Variants in FBP1 observed in about 807,000 individuals in gnomAD.
FBP1 encodes fructose-bisphosphatase 1, also known as fructose-1,6-bisphosphatase 1.
FBP1 carries 22 observed loss-of-function variants against 29.9 expected under a neutral mutation model. The observed-to-expected ratio is 0.74, with a 90% CI of 0.53 to 1.05. The LOEUF is 1.05. FBP1 is among the 50% of genes least tolerant of loss of function. The probability of loss-of-function intolerance (pLI) is 0.00; values close to 1 mark genes in which losing one functional copy is unlikely to be tolerated. For missense variants in FBP1, 345 were observed against 448.2 expected (o/e 0.77, Z 2.08); for synonymous variants, 175 against 178.6 (o/e 0.98, Z 0.16).
At chr9:94,622,009 G>A (rs2131491539) in intron 1 of FBP1, among the ~76,000 whole-genome samples, 1 of 152,274 alleles carries the variant, frequency 6.6e-6, no homozygotes, top group East Asian at 1.9e-4. Flanking sequence ...CAGGCAGAGG[G>A]TGGAGGCGAG....
chr9:94,620,552 A>C, intron 1 of FBP1, 61 bp from the exon 2 acceptor site: 1 of 1,526,920 alleles, frequency 6.5e-7, no homozygotes, highest in South Asian at 1.1e-5. Context: ...AGATGAGTCC[A>C]TAAACCCACC....
intron 3 of FBP1, among the ~76,000 whole-genome samples, chr9:94,615,926 C>T (rs1262475043): frequency 1.3e-5 from 2 of 151,460 alleles, no homozygotes; most frequent in African/African-American, 4.9e-5. Flanking sequence ...CTCCCAGGTT[C>T]ATGCCATTCT....
chr9:94,605,781 A>G (rs1442085755), intron 5 of FBP1, among the ~76,000 whole-genome samples: 1 of 152,146 alleles, frequency 6.6e-6, no homozygotes, highest in Non-Finnish European at 1.5e-5. Context: ...ATCATCTCAC[A>G]ATAGGTCAGA....
At chr9:94,611,028 T>A (rs1827776547) in intron 3 of FBP1, among the ~76,000 whole-genome samples, 1 of 152,112 alleles carries the variant, frequency 6.6e-6, no homozygotes, top group African/African-American at 2.4e-5. Context: ...CACACCCAGT[T>A]AATTTTTTGT....
At position 94,603,316 on chromosome 9, in the gene FBP1, G is replaced by T; in HGVS notation, c.*65C>A. On this transcript the variant is annotated 3_prime_UTR_variant, in exon 7 of 7. Coordinates refer to ENST00000375326, the MANE Select transcript of FBP1 (RefSeq NM_000507.4). ...AATGTAAGGTGCACAGCAGGTCAGG[G>T]TACTGCTGTGTGAGACAAAAGGTCC... 7.7e-6 allele frequency: 10 copies of T among 1,294,340 alleles called. No homozygotes were observed. The highest frequency in any genetic ancestry group is 3.7e-5 in the South Asian group (3 of 81,266). The allele number at this position is 1,294,340 out of a possible 1,614,324, so 80.2% of individuals were successfully genotyped here.
At chr9:94,616,814 T>C (rs1212097205) in intron 3 of FBP1, among the ~76,000 whole-genome samples, 1 of 152,200 alleles carries the variant, frequency 6.6e-6, no homozygotes, top group Non-Finnish European at 1.5e-5. Context: ...TGTTTCCTGA[T>C]GGGTGGATGG....
intron 4 of FBP1, among the ~76,000 whole-genome samples, chr9:94,608,765 G>A (rs1827738156): frequency 6.6e-6 from 1 of 152,130 alleles, no homozygotes; most frequent in Non-Finnish European, 1.5e-5. Flanking sequence ...TAGCCTTCCT[G>A]CCACACACAG....
intron 1 of FBP1, 149 bp downstream of exon 1, chr9:94,638,992 A>T (rs1828240554): frequency 8.4e-6 from 7 of 831,738 alleles, no homozygotes. Flanking sequence ...GAGAGGGGCT[A>T]CCAGACAGAG....
intron 1 of FBP1, among the ~76,000 whole-genome samples, chr9:94,638,253 G>T: frequency 6.6e-6 from 1 of 152,190 alleles, no homozygotes. Context: ...AACAGTATCT[G>T]ATGGGCAGCA....
In FBP1 at chr9:94,639,425, G is replaced by T; in HGVS notation, c.-115C>A. On this transcript the variant is annotated 5_prime_UTR_variant, in exon 1 of 7. Coordinates refer to ENST00000375326, the MANE Select transcript of FBP1 (RefSeq NM_000507.4). ...GCCGCAGGTGCGGAGCTGCAGGTGCGGGCGGCAGGTGCGGGCCGCGGGACC... is the reference window on the plus strand; with the variant it reads ...GCCGCAGGTGCGGAGCTGCAGGTGCTGGCGGCAGGTGCGGGCCGCGGGACC... 1.6e-6 allele frequency: 2 copies of T among 1,256,930 alleles called. No individual in the cohort carries two copies. The highest frequency in any genetic ancestry group is 2.3e-6 in the Non-Finnish European group (2 of 885,944). The allele number at this position is 1,256,930 out of a possible 1,614,324, so 77.9% of individuals were successfully genotyped here.
rs192676874 is a variant in FBP1, at chr9:94,630,722, C to T, written c.170+8419G>A. Reference sequence around the variant, plus strand: ...GCTCCCTTGGCATAACACAACCATGCGGAGAAGCAAGAACTCAGCACCAGA... The same window carrying T: ...GCTCCCTTGGCATAACACAACCATGTGGAGAAGCAAGAACTCAGCACCAGA... On this transcript the variant is annotated intron_variant, in intron 1 of 6. Transcript: ENST00000375326. Among the ~76,000 whole-genome samples the T allele has an allele frequency of 9.2e-5, 14 of 152,302 alleles. No individual in the cohort carries two copies. In the East Asian group the frequency reaches 2.5e-3, roughly 27 times the overall value.
At chr9:94,617,739 A>G (rs770647615) in intron 3 of FBP1, 29 bp downstream of exon 3, 1 of 1,469,898 alleles carries the variant, frequency 6.8e-7, no homozygotes, top group South Asian at 1.1e-5. Flanking sequence ...TCTGTCCCCA[A>G]ACCAAGTGCT....
At chr9:94,631,898 G>A (rs1828109021) in intron 1 of FBP1, among the ~76,000 whole-genome samples, 2 of 152,016 alleles carry the variant, frequency 1.3e-5, no homozygotes, top group South Asian at 2.1e-4. Context: ...TGCTTTCAAA[G>A]GTCACAAATA....
intron 4 of FBP1, 123 bp from the exon 5 acceptor site, chr9:94,607,075 T>A: frequency 7.5e-7 from 1 of 1,332,826 alleles, no homozygotes; most frequent in South Asian, 1.2e-5. Context: ...GCACCACTCA[T>A]CTTGGGGCCC....
chr9:94,617,179 C>A (rs1280478427), intron 3 of FBP1, among the ~76,000 whole-genome samples: 1 of 152,154 alleles, frequency 6.6e-6, no homozygotes, highest in Non-Finnish European at 1.5e-5. Context: ...CAGCCAAAGG[C>A]AGTATGTGAA....
rs1244538548 is a variant in FBP1, at chr9:94,605,475, C to G, written c.807G>C (p.Lys269Asn). Residue 269 changes from lysine to asparagine, a missense_variant, in exon 6 of 7, where the codon AAG becomes AAC. By Grantham distance (94) the Lys-to-Asn change is moderately conservative. Coordinates refer to ENST00000375326, the MANE Select transcript of FBP1 (RefSeq NM_000507.4). ...YGGIFLYPAN[K>N]KSPNGKLRLL... ...CCCTTACCTTTCCATTGGGGCTCTT[C>G]TTGTTAGCGGGGTACAGAAATATCC... 5 of 1,613,976 alleles carry G rather than the reference C, an allele frequency of 3.1e-6. No individual in the cohort carries two copies. In the South Asian group the frequency reaches 4.4e-5, roughly 14 times the overall value.
rs28369715 is a variant in FBP1, at chr9:94,612,434, G to A, written c.427-2373C>T. On this transcript the variant is annotated intron_variant, in intron 3 of 6. Transcript: ENST00000375326. ...ATGCTCTACATTTATACACTTCCTCGCACGGAATAAAAAATAATAGTAATA... is the reference window on the plus strand; with the variant it reads ...ATGCTCTACATTTATACACTTCCTCACACGGAATAAAAAATAATAGTAATA... Among the ~76,000 whole-genome samples, 927 of 151,824 alleles carry A rather than the reference G, an allele frequency of 6.1e-3. 6 individuals are homozygous for A. Among genetic ancestry groups the A allele is most frequent in the African/African-American group, 0.021 (877 of 41,372 alleles).
At chr9:94,608,229 T>C (rs767317464) in intron 4 of FBP1, among the ~76,000 whole-genome samples, 1 of 152,164 alleles carries the variant, frequency 6.6e-6, no homozygotes, top group African/African-American at 2.4e-5. Flanking sequence ...AGCCTGGCTT[T>C]GCAGCAAGCG....
rs532114291 is a variant in FBP1, at chr9:94,620,422, G to A, written c.240C>T (p.Asp80=). 2.5e-6 allele frequency: 4 copies of A among 1,614,140 alleles called. No homozygotes were observed. In the South Asian group the frequency reaches 4.4e-5, roughly 18 times the overall value. ...QVKKLDVLSN[D]LVMNMLKSSF... is the part of the protein sequence containing the mutation. ...ATGACTTTAACATGTTCATAACCAG[G>A]TCGTTGGAGAGGACGTCCAGCTTCT... The change falls in exon 2 of 7, where the codon GAC becomes GAT. Residue 80 remains aspartate (D), a synonymous_variant. Transcript: ENST00000375326.
Sources: allele counts gnomAD v4.1 joint callset (sites outside exome capture counted in the v4.1 genomes callset), GRCh38; gene constraint gnomAD v4.1.1; transcripts MANE v1.5; gene names NCBI Gene and HGNC (gene_info 2026-07-23, HGNC 2026-07-21).